The following PTPRT variants were observed in gnomAD, a reference collection of about 807,000 sequenced individuals.
The protein encoded by PTPRT is protein tyrosine phosphatase receptor type T.
In PTPRT, 56 loss-of-function variants were observed where a neutral mutation model predicts 176.8. The observed-to-expected ratio is 0.32, with a 90% CI of 0.26 to 0.40. The LOEUF is 0.40. Among genes scored for constraint, PTPRT ranks in the 10% least tolerant of loss-of-function variants. The probability of loss-of-function intolerance (pLI) is 1.00; values close to 1 mark genes in which losing one functional copy is unlikely to be tolerated. For missense variants in PTPRT, 1,540 were observed against 1,908.2 expected (o/e 0.81, Z 3.60); for synonymous variants, 783 against 739.0 (o/e 1.06, Z -0.96).
At chr20:42,338,862 C>A (rs2058075184) in intron 11 of PTPRT, among the ~76,000 whole-genome samples, 1 of 152,116 alleles carries the variant, frequency 6.6e-6, no homozygotes, top group Non-Finnish European at 1.5e-5. Context: ...TCTGAACTGT[C>A]TGAAGGTTAA....
intron 16 of PTPRT, among the ~76,000 whole-genome samples, chr20:42,168,651 T>C (rs1170697525): frequency 6.6e-6 from 1 of 152,244 alleles, no homozygotes; most frequent in Non-Finnish European, 1.5e-5. Flanking sequence ...TCTCAATTGA[T>C]TCAACATAAT....
chr20:42,160,432 T>C (rs563694549), intron 17 of PTPRT, among the ~76,000 whole-genome samples: 1 of 148,706 alleles, frequency 6.7e-6, no homozygotes, highest in African/African-American at 2.5e-5. Context: ...TGAGGCCTAA[T>C]GGGCAGGATT....
chr20:43,085,206 G>A (rs1014438390), intron 1 of PTPRT, among the ~76,000 whole-genome samples: 4 of 152,098 alleles, frequency 2.6e-5, no homozygotes, highest in Admixed American at 2.0e-4. Flanking sequence ...AGCTGTCACC[G>A]CATTCCTCTC....
intron 13 of PTPRT, among the ~76,000 whole-genome samples, chr20:42,278,257 T>C (rs2057080664): frequency 7.1e-6 from 1 of 140,958 alleles, no homozygotes; most frequent in African/African-American, 2.9e-5. Flanking sequence ...TAAGAGGCCA[T>C]CTTAAAGATA....
chr20:43,179,319 TATC>T (rs1330523531), intron 1 of PTPRT, among the ~76,000 whole-genome samples: 1 of 152,212 alleles, frequency 6.6e-6, no homozygotes, highest in African/African-American at 2.4e-5. Flanking sequence ...TGCTATAACT[TATC>T]ATATTCTCTA....
chr20:42,682,151 G>A (rs2075614497), intron 6 of PTPRT, among the ~76,000 whole-genome samples: 1 of 152,152 alleles, frequency 6.6e-6, no homozygotes, highest in South Asian at 2.1e-4. Flanking sequence ...ATGACTGCCT[G>A]AAAGAAGGCA....
At chr20:42,970,739 T>C (rs1426773465) in intron 1 of PTPRT, 1 of 152,248 alleles carries the variant, frequency 6.6e-6, no homozygotes, top group Non-Finnish European at 1.5e-5. Flanking sequence ...CTTCTTACCA[T>C]TGATGTGTAC....
chr20:42,433,655 G>C (rs1471621206), intron 9 of PTPRT, among the ~76,000 whole-genome samples: 1 of 152,152 alleles, frequency 6.6e-6, no homozygotes, highest in Non-Finnish European at 1.5e-5. Context: ...TTAAAACAAG[G>C]AGGAAAACAG....
chr20:42,332,967 G>A (rs2057989477), intron 11 of PTPRT, among the ~76,000 whole-genome samples: 1 of 152,216 alleles, frequency 6.6e-6, no homozygotes, highest in Admixed American at 6.5e-5. Flanking sequence ...TCAAGTGCAA[G>A]ACAGATATAA....
chr20:42,937,628 A>C, intron 1 of PTPRT, among the ~76,000 whole-genome samples: 1 of 152,198 alleles, frequency 6.6e-6, no homozygotes, highest in East Asian at 1.9e-4. Context: ...CTGCCTTCCA[A>C]ATCACAAGCT....
chr20:42,797,862 A>C (rs2077474716), intron 2 of PTPRT, among the ~76,000 whole-genome samples: 1 of 152,070 alleles, frequency 6.6e-6, no homozygotes, highest in African/African-American at 2.4e-5. Flanking sequence ...TGAACCAAAA[A>C]CTGCAGGTGG....
At chr20:42,059,697 C>G in the PTPRT span, among the ~76,000 whole-genome samples, 1 of 152,284 alleles carries the variant, frequency 6.6e-6, no homozygotes, top group Admixed American at 6.5e-5. Context: ...TGCCTCTTCT[C>G]TCTGTTGCCT....
chr20:42,289,849 G>GTGTA lies in PTPRT; in HGVS notation c.2140-7328_2140-7325dup, dbSNP rs1214888347. Among the ~76,000 whole-genome samples, 3 of 152,042 alleles carry GTGTA rather than the reference G, an allele frequency of 2.0e-5. No homozygotes were observed. In the South Asian group the frequency reaches 6.2e-4, roughly 32 times the overall value. ...TAAAGTCTGTTTTCTATGATCTAGA[G>GTGTA]TGTATATACGATTATGCTTAAGTCT... On this transcript the variant is annotated intron_variant, in intron 12 of 30. Transcript: ENST00000373187.
chr20:42,313,836 T>A (rs1350434133), intron 12 of PTPRT, among the ~76,000 whole-genome samples: 1 of 152,196 alleles, frequency 6.6e-6, no homozygotes, highest in East Asian at 1.9e-4. Context: ...CTTCTCTTTG[T>A]AGTCTTATGC....
At chr20:43,151,123 A>G (rs1187731702) in intron 1 of PTPRT, among the ~76,000 whole-genome samples, 1 of 151,934 alleles carries the variant, frequency 6.6e-6, no homozygotes, top group East Asian at 2.0e-4. Flanking sequence ...CCTAACCAAC[A>G]TGGAGAAACC....
chr20:43,088,300 T>C (rs2011684792), intron 1 of PTPRT, among the ~76,000 whole-genome samples: 1 of 151,168 alleles, frequency 6.6e-6, no homozygotes, highest in Admixed American at 6.6e-5. Context: ...ACTCCCAAAA[T>C]GTTATATTGT....
chr20:42,149,703 C>T (rs563612141), intron 17 of PTPRT, among the ~76,000 whole-genome samples: 177 of 152,244 alleles, frequency 1.2e-3, no homozygotes, highest in African/African-American at 3.1e-3. Context: ...GGATTACAGG[C>T]GTGAGCCACC....
chr20:42,318,271 T>C (rs184437592), intron 11 of PTPRT, among the ~76,000 whole-genome samples: 1 of 152,206 alleles, frequency 6.6e-6, no homozygotes, highest in African/African-American at 2.4e-5. Context: ...TCAGGACAGC[T>C]AAGCTCAAAG....
chr20:43,000,031 A>C (rs1390217535), intron 1 of PTPRT, among the ~76,000 whole-genome samples: 3 of 134,808 alleles, frequency 2.2e-5, no homozygotes, highest in Non-Finnish European at 4.7e-5. Context: ...GGAAGGGAGG[A>C]AGGGAAGAAT....
Sources: allele counts gnomAD v4.1 joint callset (sites outside exome capture counted in the v4.1 genomes callset), GRCh38; gene constraint gnomAD v4.1.1; transcripts MANE v1.5; gene names NCBI Gene and HGNC (gene_info 2026-07-23, HGNC 2026-07-21).